Variants in CAPN9 observed in about 807,000 individuals in gnomAD.
CAPN9 encodes calpain 9, also known as calpain-9.
Under a neutral mutation model 92.8 loss-of-function variants are expected in CAPN9, and 81 were observed. The ratio of observed to expected loss-of-function variants is 0.87; its 90% CI spans 0.73 to 1.05. CAPN9 has a LOEUF of 1.05. CAPN9 is among the 50% of genes least tolerant of loss of function. The pLI is 0.00. For missense variants in CAPN9, 848 were observed against 866.2 expected (o/e 0.98, Z 0.26); for synonymous variants, 304 against 328.0 (o/e 0.93, Z 0.79).
chr1:230,776,254 CTTTTAT>C (rs1343168735), intron 8 of CAPN9: 1 of 152,162 alleles, frequency 6.6e-6, no homozygotes, highest in Non-Finnish European at 1.5e-5. Context: ...TCTGGGGCCT[CTTTTAT>C]AATGGCACTA....
chr1:230,801,571 TC>T lies in CAPN9; in HGVS notation c.2049del (p.Phe683LeufsTer4). On this transcript the variant is annotated frameshift_variant and splice_region_variant, in exon 20 of 20. Coordinates refer to ENST00000271971, the MANE Select transcript of CAPN9 (RefSeq NM_006615.3). LOFTEE classifies it high-confidence loss of function. ...KEFIHLNINE[F>X]IHLTMNI ...TCATCTCTCTCTCTCTCTTCCCAGT[TC>T]ATCCATTTGACAATGAACATCTGAG... is the stretch of plus-strand genomic sequence containing the variant. The T allele has an allele frequency of 6.2e-7, 1 of 1,613,946 alleles. No homozygotes were observed. The highest frequency in any genetic ancestry group is 8.5e-7 in the Non-Finnish European group (1 of 1,179,836).
At chr1:230,758,386 T>G (rs191594317) in intron 2 of CAPN9, among the ~76,000 whole-genome samples, 5 of 152,290 alleles carry the variant, frequency 3.3e-5, no homozygotes, top group Admixed American at 1.3e-4. Context: ...CAAACGATCC[T>G]GCAGGTTCCA....
At chr1:230,768,498 T>C (rs1293021841) in intron 5 of CAPN9, among the ~76,000 whole-genome samples, 1 of 151,984 alleles carries the variant, frequency 6.6e-6, no homozygotes, top group Non-Finnish European at 1.5e-5. Context: ...GTCAGTTGGT[T>C]TGATTTTACT....
intron 6 of CAPN9, 56 bp downstream of exon 6, chr1:230,769,319 C>A: frequency 1.6e-6 from 2 of 1,250,324 alleles, no homozygotes; most frequent in Non-Finnish European, 2.3e-6. Flanking sequence ...CAATGCTAAT[C>A]CCTTAGGCAT....
intron 4 of CAPN9, among the ~76,000 whole-genome samples, chr1:230,766,111 T>C (rs961822847): frequency 5.3e-5 from 8 of 152,114 alleles, no homozygotes; most frequent in Admixed American, 5.2e-4. Flanking sequence ...TTACTTTTTT[T>C]TGGAGACAGG....
At chr1:230,769,853 A>G (rs1050679015) in intron 6 of CAPN9, among the ~76,000 whole-genome samples, 3 of 152,200 alleles carry the variant, frequency 2.0e-5, no homozygotes, top group Non-Finnish European at 2.9e-5. Flanking sequence ...TCCACTTAAT[A>G]AATAGTAAAT....
chr1:230,782,612 C>T (rs1374456416), intron 11 of CAPN9, among the ~76,000 whole-genome samples: 1 of 152,170 alleles, frequency 6.6e-6, no homozygotes. Flanking sequence ...ATCATTTTTC[C>T]TCTTTTTCCC....
chr1:230,774,806 A>G (rs563352625), intron 8 of CAPN9, among the ~76,000 whole-genome samples, 175 bp downstream of exon 8: 286 of 136,732 alleles, frequency 2.1e-3, no homozygotes, highest in Non-Finnish European at 2.5e-3. Context: ...CAGTGGTGCG[A>G]TCTCGTCTCA....
chr1:230,756,389 A>G (rs1381893855), intron 2 of CAPN9, among the ~76,000 whole-genome samples: 2 of 152,196 alleles, frequency 1.3e-5, no homozygotes, highest in African/African-American at 2.4e-5. Context: ...TAGAAAACGG[A>G]TGCATAATTA....
intron 3 of CAPN9, among the ~76,000 whole-genome samples, chr1:230,762,155 G>A (rs1368967376): frequency 6.6e-6 from 1 of 152,178 alleles, no homozygotes. Context: ...CTATGTGAAT[G>A]GCCAACAAAT....
Position 230,795,211 on chromosome 1 carries a change from C to A in CAPN9, c.1919C>A (p.Ala640Glu), listed in dbSNP as rs754066836. Residue 640 changes from alanine (A) to glutamate (E), a missense_variant, in exon 18 of 20, where the codon GCG becomes GAG. By Grantham distance (107) the Ala-to-Glu change is moderately radical. Transcript: ENST00000271971. ...CTGCAGCTGATTGTGCTCAGGTATG[C>A]GGATGAGGAGCTCCAGCTGGACTTC... ...HLLQLIVLRY[A>E]DEELQLDFDD... 4 of 1,613,352 alleles carry A rather than the reference C, an allele frequency of 2.5e-6. No homozygotes were observed. The highest frequency in any genetic ancestry group is 1.7e-6 in the Non-Finnish European group (2 of 1,179,638).
At chr1:230,785,953 G>C in intron 11 of CAPN9, 28 bp from the exon 12 acceptor site, 1 of 1,611,066 alleles carries the variant, frequency 6.2e-7, no homozygotes, top group Non-Finnish European at 8.5e-7. Context: ...ATCCACAATT[G>C]AGGCAGTGTG....
rs1459954671 is a variant in CAPN9, at chr1:230,752,637, G to A, written c.214-2700G>A. 4 of 982,900 alleles carry A rather than the reference G, an allele frequency of 4.1e-6. No homozygotes were observed. The East Asian group carries it at 3.4e-4, about 84-fold the overall frequency. 60.9% of individuals were successfully genotyped at this position (982,900 alleles called of 1,614,324 possible). A position where few individuals can be genotyped will look rare whatever the true frequency, so the allele number is the denominator to read the frequency against. Reference sequence around the variant, plus strand: ...GGATGGGAAGGAGGCGGGCATCCGGGAACAGCCCTGCCCCAGGAGCTAGCA... The same window carrying A: ...GGATGGGAAGGAGGCGGGCATCCGGAAACAGCCCTGCCCCAGGAGCTAGCA... On this transcript the variant is annotated intron_variant, in intron 1 of 19. Coordinates refer to ENST00000271971, the MANE Select transcript of CAPN9 (RefSeq NM_006615.3).
At chr1:230,768,899 A>G (rs912944787) in intron 5 of CAPN9, among the ~76,000 whole-genome samples, 3 of 152,228 alleles carry the variant, frequency 2.0e-5, no homozygotes, top group Non-Finnish European at 4.4e-5. Flanking sequence ...TACTACATGA[A>G]GGTGACAAGT....
intron 6 of CAPN9, among the ~76,000 whole-genome samples, chr1:230,770,956 T>C (rs1323073892): frequency 6.6e-6 from 1 of 152,208 alleles, no homozygotes; most frequent in African/African-American, 2.4e-5. Flanking sequence ...TTCTTTAGAA[T>C]GTTAGCTATT....
At chr1:230,765,536 G>A (rs1665932972) in intron 4 of CAPN9, among the ~76,000 whole-genome samples, 1 of 152,098 alleles carries the variant, frequency 6.6e-6, no homozygotes, top group African/African-American at 2.4e-5. Flanking sequence ...GTGCATGCTT[G>A]TAATCCCAAC....
At chr1:230,762,935 G>T in intron 4 of CAPN9, 149 bp downstream of exon 4, 1 of 787,156 alleles carries the variant, frequency 1.3e-6, no homozygotes, top group African/African-American at 1.8e-5. Flanking sequence ...GGGCTCAAGC[G>T]GGGTTGGAGG....
At chr1:230,791,985 T>A in intron 15 of CAPN9, 57 bp downstream of exon 15, 1 of 1,221,068 alleles carries the variant, frequency 8.2e-7, no homozygotes, top group Non-Finnish European at 1.2e-6. Context: ...TTAAGCACAG[T>A]AGAGTAATCT....
At chr1:230,772,666 T>C (rs1666465598) in intron 7 of CAPN9, among the ~76,000 whole-genome samples, 1 of 151,464 alleles carries the variant, frequency 6.6e-6, no homozygotes, top group South Asian at 2.1e-4. Flanking sequence ...CACTTGAGTA[T>C]GAGAGATTGA....
Sources: allele counts gnomAD v4.1 joint callset (sites outside exome capture counted in the v4.1 genomes callset), GRCh38; gene constraint gnomAD v4.1.1; transcripts MANE v1.5; gene names NCBI Gene and HGNC (gene_info 2026-07-23, HGNC 2026-07-21).